The following RNF121 variants were observed in gnomAD, a reference collection of about 807,000 sequenced individuals.
RNF121 encodes ring finger protein 121, also known as E3 ubiquitin ligase RNF121.
RNF121 carries 21 observed loss-of-function variants against 46.5 expected under a neutral mutation model. The ratio of observed to expected loss-of-function variants is 0.45; its 90% CI spans 0.32 to 0.65. The LOEUF (loss-of-function observed/expected upper bound fraction) is 0.65. Ranked by LOEUF, RNF121 falls within the 30% of genes least tolerant of loss-of-function variation. The pLI, the probability that RNF121 is intolerant of heterozygous loss-of-function variation, is 0.04. For synonymous variants in RNF121, 139 were observed against 144.7 expected, an observed-to-expected ratio of 0.96 and a Z score of 0.28; for missense variants, 346 against 416.0, an observed-to-expected ratio of 0.83 and a Z score of 1.46.
At chr11:71,977,337 A>C (rs1403540794) in intron 3 of RNF121, among the ~76,000 whole-genome samples, 1 of 152,204 alleles carries the variant, frequency 6.6e-6, no homozygotes, top group Non-Finnish European at 1.5e-5. Flanking sequence ...ATCTATTTTC[A>C]TGAATTCTAG....
At chr11:71,970,639 G>C (rs947581870) in intron 3 of RNF121, among the ~76,000 whole-genome samples, 5 of 152,188 alleles carry the variant, frequency 3.3e-5, no homozygotes, top group Non-Finnish European at 5.9e-5. Context: ...TCCAGCCTGG[G>C]TGACAGAGTG....
At chr11:71,943,859 C>T (rs1953649231) in intron 1 of RNF121, among the ~76,000 whole-genome samples, 1 of 152,142 alleles carries the variant, frequency 6.6e-6, no homozygotes, top group South Asian at 2.1e-4. Flanking sequence ...AGAATGCCAC[C>T]TTCAGGGAAC....
At chr11:71,936,158 G>A (rs1385518305) in intron 1 of RNF121, among the ~76,000 whole-genome samples, 1 of 152,048 alleles carries the variant, frequency 6.6e-6, no homozygotes. Context: ...GCTGCGCCTG[G>A]CCTATAATTA....
At chr11:71,933,147 A>C (rs1019070239) in intron 1 of RNF121, among the ~76,000 whole-genome samples, 1 of 152,226 alleles carries the variant, frequency 6.6e-6, no homozygotes, top group African/African-American at 2.4e-5. Context: ...CCAACCTCTG[A>C]GAGGAATTAG....
intron 3 of RNF121, among the ~76,000 whole-genome samples, chr11:71,970,519 G>C (rs1954399223): frequency 6.6e-6 from 1 of 152,046 alleles, no homozygotes; most frequent in Non-Finnish European, 1.5e-5. Context: ...AAAATTAGCT[G>C]ACTGTGGTGG....
At chr11:71,946,955 CTTCCTGGGTTCCAGCAATTCTCCT>C (rs2134160353) in intron 1 of RNF121, among the ~76,000 whole-genome samples, 1 of 151,066 alleles carries the variant, frequency 6.6e-6, no homozygotes, top group East Asian at 2.0e-4. Context: ...GCAACCTCCG[CTTCCTGGGTTCCAGCAATTCTCCT>C]GCCTCAGCCT....
chr11:71,982,791 C>G lies in RNF121; in HGVS notation c.274C>G (p.Pro92Ala). Residue 92 changes from proline to alanine, a missense_variant, in exon 4 of 9, where the codon CCC (proline) becomes GCC (alanine). Physicochemically the swap from Pro to Ala is conservative, Grantham distance 27. Transcript: ENST00000361756. ...MVTLFQMWVV[P>A]LYFTVKLHWW... ...GACCCTCTTTCAGATGTGGGTTGTT[C>G]CCCTCTATTTCACAGTGAAGCTGCA... 1.2e-6 allele frequency: 2 copies of G among 1,612,882 alleles called. No homozygotes were observed. Among genetic ancestry groups the G allele is most frequent in the Non-Finnish European group, 1.7e-6 (2 of 1,179,486 alleles).
chr11:71,976,605 G>A (rs1381979372), intron 3 of RNF121, among the ~76,000 whole-genome samples: 2 of 152,004 alleles, frequency 1.3e-5, no homozygotes, highest in Non-Finnish European at 2.9e-5. Flanking sequence ...TGATCTGCCT[G>A]CCTCGGCCTC....
chr11:71,994,594 C>T (rs1954934481), intron 6 of RNF121, 125 bp from the exon 7 acceptor site: 3 of 1,082,048 alleles, frequency 2.8e-6, no homozygotes, highest in Non-Finnish European at 2.7e-6. Context: ...AAGATGTCCT[C>T]TAACTCTGGG....
chr11:71,979,522 T>A (rs1190499610), intron 3 of RNF121, among the ~76,000 whole-genome samples: 1 of 152,230 alleles, frequency 6.6e-6, no homozygotes, highest in Non-Finnish European at 1.5e-5. Context: ...AGTTTTTTCA[T>A]CCTAAAATTT....
intron 1 of RNF121, among the ~76,000 whole-genome samples, chr11:71,954,719 C>T (rs1184759038): frequency 6.6e-6 from 1 of 152,164 alleles, no homozygotes; most frequent in East Asian, 1.9e-4. Context: ...TTCCTAGTTT[C>T]CCCCTCATTG....
chr11:71,948,697 A>G lies in RNF121; in HGVS notation c.64-8530A>G, dbSNP rs1395941153. Among the ~76,000 whole-genome samples the G allele has an allele frequency of 2.0e-5, 3 of 152,088 alleles. No individual in the cohort carries two copies. In the East Asian group the frequency reaches 5.8e-4, roughly 29 times the overall value. On this transcript the variant is annotated intron_variant, in intron 1 of 8. Coordinates refer to ENST00000361756, the MANE Select transcript of RNF121 (RefSeq NM_018320.5). ...CAGGCTAACCATATCCAGTGTCTGC[A>G]TGATCTCCAGCTGATTTATGACTTT...
chr11:71,965,272 T>A (rs1401205243), intron 3 of RNF121, among the ~76,000 whole-genome samples: 1 of 122,838 alleles, frequency 8.1e-6, no homozygotes, highest in African/African-American at 3.0e-5. Flanking sequence ...TTTTTTTTTT[T>A]AAGACAGGGT....
At chr11:71,966,169 G>A (rs776766488) in intron 3 of RNF121, among the ~76,000 whole-genome samples, 8 of 151,876 alleles carry the variant, frequency 5.3e-5, no homozygotes, top group Non-Finnish European at 7.4e-5. Context: ...ACAGGCGTGC[G>A]CCACCATGCC....
At chr11:71,975,624 A>G (rs1954511996) in intron 3 of RNF121, among the ~76,000 whole-genome samples, 1 of 152,210 alleles carries the variant, frequency 6.6e-6, no homozygotes, top group Non-Finnish European at 1.5e-5. Flanking sequence ...TGTGTTCTTC[A>G]GGAGATTTTG....
rs1356220227 is a variant in RNF121 at position 71,996,492 on chromosome 11, C to A, written c.*177C>A. On this transcript the variant is annotated 3_prime_UTR_variant, in exon 9 of 9. Transcript: ENST00000361756. ...TATGATGGAGAGCCAGCCAGTGGGGCTGTCAGCAGTGGGGGGCTTTTTAAA... is the reference window on the plus strand; with the variant it reads ...TATGATGGAGAGCCAGCCAGTGGGGATGTCAGCAGTGGGGGGCTTTTTAAA... 4.7e-6 allele frequency: 3 copies of A among 638,592 alleles called. No homozygotes were observed. Among genetic ancestry groups the A allele is most frequent in the Non-Finnish European group, 7.8e-6 (3 of 384,372 alleles). 39.6% of individuals were successfully genotyped at this position (638,592 alleles called of 1,614,324 possible). A position where few individuals can be genotyped will look rare whatever the true frequency, so the allele number is the denominator to read the frequency against.
At chr11:71,947,953 A>G (rs1953764572) in intron 1 of RNF121, among the ~76,000 whole-genome samples, 1 of 152,214 alleles carries the variant, frequency 6.6e-6, no homozygotes. Flanking sequence ...TATGATCAGC[A>G]CATGAACTGT....
intron 1 of RNF121, among the ~76,000 whole-genome samples, chr11:71,938,322 T>TTTTC (rs2134148894): frequency 7.5e-6 from 1 of 133,926 alleles, no homozygotes; most frequent in African/African-American, 3.2e-5. Flanking sequence ...TAATTTTTTT[T>TTTTC]TTTTTTTTTT....
chr11:71,976,593 C>T (rs1466693527), intron 3 of RNF121, among the ~76,000 whole-genome samples: 1 of 151,984 alleles, frequency 6.6e-6, no homozygotes, highest in Non-Finnish European at 1.5e-5. Context: ...CTCTTGACCT[C>T]GTGATCTGCC....
Sources: gnomAD v4.1 joint callset for allele counts (sites outside exome capture counted in the v4.1 genomes callset) on GRCh38, gnomAD v4.1.1 for gene constraint, MANE v1.5 for transcripts, NCBI Gene and HGNC (gene_info 2026-07-23, HGNC 2026-07-21) for gene names.